Variants in LZTS1 observed in about 807,000 individuals in gnomAD.
The protein encoded by LZTS1 is leucine zipper putative tumor suppressor 1.
LZTS1 carries 31 observed loss-of-function variants against 45.8 expected under a neutral mutation model. The ratio of observed to expected loss-of-function variants is 0.68; its 90% CI spans 0.51 to 0.91. The LOEUF is 0.91. Ranked by LOEUF, LZTS1 falls within the 40% of genes least tolerant of loss-of-function variation. The probability of loss-of-function intolerance (pLI) is 0.00; values close to 1 mark genes in which losing one functional copy is unlikely to be tolerated. For missense variants in LZTS1, 821 were observed against 788.9 expected, an observed-to-expected ratio of 1.04 and a Z score of -0.49; for synonymous variants, 359 against 357.3, an observed-to-expected ratio of 1.00 and a Z score of -0.05.
At chr8:20,275,502 G>A (rs1800562973) in intron 1 of LZTS1, among the ~76,000 whole-genome samples, 1 of 152,038 alleles carries the variant, frequency 6.6e-6, no homozygotes, top group South Asian at 2.1e-4. Context: ...GAGAGAGGTG[G>A]GCTGGGAGTT....
Position 20,263,426 on chromosome 8 carries a change from T to C in LZTS1, c.-134-8111A>G, listed in dbSNP as rs1399777498. Reference sequence around the variant, plus strand: ...GCACCCTCCTCCAACATTTTGGCTCTGACTTCTAAGGGTTTCCTGACCCCT... The same window carrying C: ...GCACCCTCCTCCAACATTTTGGCTCCGACTTCTAAGGGTTTCCTGACCCCT... On this transcript the variant is annotated intron_variant, in intron 1 of 3. Coordinates refer to ENST00000381569, the MANE Select transcript of LZTS1 (RefSeq NM_021020.5). 2.0e-5 allele frequency among the ~76,000 whole-genome samples: 3 copies of C among 152,130 alleles called. No homozygotes were observed. The East Asian group carries it at 5.8e-4, about 29-fold the overall frequency.
At position 20,249,790 on chromosome 8, in the gene LZTS1, C is replaced by T; in HGVS notation, c.1723G>A (p.Glu575Lys). The T allele has an allele frequency of 1.2e-6, 2 of 1,613,854 alleles. No homozygotes were observed. Among genetic ancestry groups the T allele is most frequent in the Non-Finnish European group, 1.7e-6 (2 of 1,180,022 alleles). ...QQLARGDSAG[E>K]PLEVDLEGAD... ...CCTTCCAGGTCAACCTCCAAGGGCT[C>T]CCCGGCGCTGTCCCCACGTGCCAGC... Residue 575 changes from glutamate (E) to lysine (K), a missense_variant, in exon 4 of 4, where the codon GAG (glutamate) becomes AAG (lysine). Transcript: ENST00000381569.
At chr8:20,287,223 A>G (rs1350416549) in intron 1 of LZTS1, among the ~76,000 whole-genome samples, 1 of 142,824 alleles carries the variant, frequency 7.0e-6, no homozygotes. Flanking sequence ...CTAGAATTCA[A>G]GCCCACACTA....
intron 1 of LZTS1, chr8:20,289,936 G>A (rs1177734531): frequency 6.6e-6 from 1 of 152,244 alleles, no homozygotes; most frequent in African/African-American, 2.4e-5. Flanking sequence ...GCGTAATTTC[G>A]AGAGGGAGGG....
At chr8:20,259,426 C>T (rs1800178886) in intron 1 of LZTS1, among the ~76,000 whole-genome samples, 1 of 152,138 alleles carries the variant, frequency 6.6e-6, no homozygotes, top group African/African-American at 2.4e-5. Context: ...TCTCATCCAT[C>T]TCCTCTCACC....
chr8:20,301,960 A>C (rs1339373684), intron 1 of LZTS1, among the ~76,000 whole-genome samples: 2 of 152,044 alleles, frequency 1.3e-5, no homozygotes, highest in South Asian at 4.2e-4. Flanking sequence ...TTGCATATAG[A>C]CACCCACAGA....
Position 20,253,573 on chromosome 8 carries a change from C to G in LZTS1, c.358G>C (p.Gly120Arg). 1.4e-6 allele frequency: 2 copies of G among 1,459,612 alleles called. No homozygotes were observed. The highest frequency in any genetic ancestry group is 1.8e-6 in the Non-Finnish European group (2 of 1,107,684). 90.4% of individuals were successfully genotyped at this position (1,459,612 alleles called of 1,614,324 possible). A position where few individuals can be genotyped will look rare whatever the true frequency, so the allele number is the denominator to read the frequency against. ...TTGAAGGCTGTGGGCCTCACTGCAC[C>G]CTTCTCGGAGCCCTGTAGAGGAAAA... The part of the protein sequence containing the change: ...SNQLEMGSEK[G>R]AVRPTAFKPV... The change falls in exon 3 of 4, where the codon GGT becomes CGT. Residue 120 changes from glycine to arginine, a missense_variant. Gly to Arg is a moderately radical substitution (Grantham distance 125). Transcript: ENST00000381569.
chr8:20,285,171 G>A (rs1330451220), intron 1 of LZTS1, among the ~76,000 whole-genome samples: 3 of 152,190 alleles, frequency 2.0e-5, no homozygotes, highest in Admixed American at 2.0e-4. Context: ...GATTTCTTGT[G>A]GTTCTCACAT....
At chr8:20,300,379 CT>C (rs1801054237) in intron 1 of LZTS1, among the ~76,000 whole-genome samples, 2 of 152,120 alleles carry the variant, frequency 1.3e-5, no homozygotes, top group South Asian at 4.2e-4. Context: ...GTTGCCCAGA[CT>C]GGAGTGCAGT....
intron 1 of LZTS1, among the ~76,000 whole-genome samples, chr8:20,275,350 C>T (rs1395529391): frequency 3.4e-5 from 3 of 87,124 alleles, no homozygotes; most frequent in Admixed American, 1.1e-4. Flanking sequence ...TGCAGTAAGC[C>T]GAGATGATCG....
intron 3 of LZTS1, among the ~76,000 whole-genome samples, chr8:20,251,098 A>AATACATATATATATATATATAT (rs1367635822): frequency 4.8e-5 from 2 of 41,402 alleles, no homozygotes; most frequent in African/African-American, 1.3e-4. Context: ...CCTGAGGGCT[A>AATACATATATATATATATATAT]ATATATATAT....
intron 1 of LZTS1, among the ~76,000 whole-genome samples, chr8:20,269,282 T>G (rs1413253892): frequency 6.6e-6 from 1 of 152,022 alleles, no homozygotes. Context: ...GTGATACAGA[T>G]CTTAAACAGG....
chr8:20,265,161 C>G (rs1585286736), intron 1 of LZTS1, among the ~76,000 whole-genome samples: 1 of 152,260 alleles, frequency 6.6e-6, no homozygotes, highest in Middle Eastern at 3.4e-3. Flanking sequence ...CTGTAGCTCT[C>G]TCCTTCCCAC....
At chr8:20,257,565 G>A (rs1008871226) in intron 1 of LZTS1, among the ~76,000 whole-genome samples, 16 of 152,094 alleles carry the variant, frequency 1.1e-4, no homozygotes, top group Non-Finnish European at 2.1e-4. Context: ...AGCCGACTTG[G>A]TGTGCATTCT....
At chr8:20,253,793 G>C (rs1474491894) in intron 2 of LZTS1, among the ~76,000 whole-genome samples, 1 of 152,164 alleles carries the variant, frequency 6.6e-6, no homozygotes, top group Admixed American at 6.5e-5. Flanking sequence ...CCCTAATGGC[G>C]ACTTGGGCAC....
At chr8:20,256,451 TA>T (rs1800105865) in intron 1 of LZTS1, among the ~76,000 whole-genome samples, 1 of 152,074 alleles carries the variant, frequency 6.6e-6, no homozygotes, top group Non-Finnish European at 1.5e-5. Context: ...AGACGGGGGA[TA>T]GAAGTGGTGG....
rs780470908 is a variant in LZTS1, at chr8:20,252,866, C to G, written c.1065G>C (p.Glu355Asp). The G allele has an allele frequency of 6.2e-7, 1 of 1,610,030 alleles. No homozygotes were observed. Among genetic ancestry groups the G allele is most frequent in the South Asian group, 1.1e-5 (1 of 90,860 alleles). ...LRQELESLMK[E>D]QDLLETKLRS... ...TGAGCTTGGTCTCCAGCAGGTCCTG[C>G]TCCTTCATGAGGCTCTCGAGCTCCT... is the stretch of plus-strand genomic sequence containing the variant. The change falls in exon 3 of 4, where the codon GAG becomes GAC. Residue 355 changes from glutamate (E) to aspartate (D), a missense_variant. Glu to Asp is a conservative substitution (Grantham distance 45). Transcript: ENST00000381569.
intron 1 of LZTS1, among the ~76,000 whole-genome samples, chr8:20,285,918 G>A (rs1416137296): frequency 6.6e-6 from 1 of 152,204 alleles, no homozygotes; most frequent in Non-Finnish European, 1.5e-5. Context: ...GCAGGCAAGT[G>A]AGACAAAAAA....
intron 1 of LZTS1, among the ~76,000 whole-genome samples, chr8:20,272,591 G>A (rs56268521): frequency 0.11 from 16,971 of 152,164 alleles, 1,696 homozygotes; most frequent in African/African-American, 0.27. Flanking sequence ...AATCTTATCA[G>A]TCCTTTGCCA....
Sources: allele counts gnomAD v4.1 joint callset (sites outside exome capture counted in the v4.1 genomes callset), GRCh38; gene constraint gnomAD v4.1.1; transcripts MANE v1.5; gene names NCBI Gene and HGNC (gene_info 2026-07-23, HGNC 2026-07-21).